The following ANK3 variants were observed in gnomAD, a reference collection of about 807,000 sequenced individuals.
ANK3 encodes ankyrin 3, also known as ankyrin-3.
In ANK3, 57 loss-of-function variants were observed where a neutral mutation model predicts 370.9. The ratio of observed to expected loss-of-function variants is 0.15; its 90% CI spans 0.12 to 0.19. The LOEUF (loss-of-function observed/expected upper bound fraction) is 0.19. Among genes scored for constraint, ANK3 ranks in the 10% least tolerant of loss-of-function variants. The pLI, the probability that ANK3 is intolerant of heterozygous loss-of-function variation, is 1.00. For synonymous variants in ANK3, 1,929 were observed against 1,946.3 expected, an observed-to-expected ratio of 0.99 and a Z score of 0.23; for missense variants, 4,439 against 5,302.1, an observed-to-expected ratio of 0.84 and a Z score of 5.06.
chr10:60,537,010 A>G (rs1296037766), intron 2 of ANK3, among the ~76,000 whole-genome samples: 1 of 151,986 alleles, frequency 6.6e-6, no homozygotes, highest in East Asian at 1.9e-4. Flanking sequence ...TAAATGTCTG[A>G]CCCACCAACA....
chr10:60,496,041 A>G (rs1448597862), intron 2 of ANK3, among the ~76,000 whole-genome samples: 4 of 151,004 alleles, frequency 2.6e-5, no homozygotes, highest in Non-Finnish European at 1.5e-5. Flanking sequence ...CTTCTAATTT[A>G]TATAGCTAGG....
chr10:60,652,393 C>A (rs1477037615), intron 1 of ANK3, among the ~76,000 whole-genome samples: 3 of 151,902 alleles, frequency 2.0e-5, no homozygotes, highest in Non-Finnish European at 2.9e-5. Flanking sequence ...CAGAAGGAGA[C>A]CCTGTCTCAA....
At chr10:60,065,911 G>T (rs1170016950) in intron 38 of ANK3, among the ~76,000 whole-genome samples, 1 of 152,026 alleles carries the variant, frequency 6.6e-6, no homozygotes, top group Non-Finnish European at 1.5e-5. Flanking sequence ...TTAAAACCAA[G>T]ATCAGAAAAT....
chr10:60,484,630 A>G (rs2075304640), intron 2 of ANK3, among the ~76,000 whole-genome samples: 1 of 152,120 alleles, frequency 6.6e-6, no homozygotes, highest in African/African-American at 2.4e-5. Context: ...CAAAACAGGA[A>G]TGTCTAACTA....
intron 1 of ANK3, among the ~76,000 whole-genome samples, chr10:60,713,544 T>C (rs1290553727): frequency 6.6e-6 from 1 of 152,002 alleles, no homozygotes; most frequent in African/African-American, 2.4e-5. Flanking sequence ...TCTAAGAAAC[T>C]ACAGAAGTAA....
At chr10:60,522,767 G>A (rs999664437) in intron 2 of ANK3, among the ~76,000 whole-genome samples, 25 of 152,060 alleles carry the variant, frequency 1.6e-4, no homozygotes, top group African/African-American at 5.8e-4. Flanking sequence ...AGACTAAAAT[G>A]ATGATTCTTC....
intron 23 of ANK3, among the ~76,000 whole-genome samples, chr10:60,151,270 G>C (rs1156670639): frequency 6.6e-6 from 1 of 152,176 alleles, no homozygotes; most frequent in Non-Finnish European, 1.5e-5. Flanking sequence ...GTGATCCCCA[G>C]TGTTGGAGGT....
At chr10:60,041,531 T>C (rs1241103999) in intron 43 of ANK3, among the ~76,000 whole-genome samples, 1 of 152,176 alleles carries the variant, frequency 6.6e-6, no homozygotes, top group East Asian at 1.9e-4. Flanking sequence ...CAAATGGGGA[T>C]GATGAAGGCC....
chr10:60,421,904 G>A (rs1346171639), intron 2 of ANK3, among the ~76,000 whole-genome samples: 2 of 152,086 alleles, frequency 1.3e-5, no homozygotes, highest in East Asian at 1.9e-4. Flanking sequence ...TGACCAAAAG[G>A]AAGAAGTTTA....
intron 1 of ANK3, among the ~76,000 whole-genome samples, chr10:60,653,749 C>T (rs2078823844): frequency 6.6e-6 from 1 of 152,082 alleles, no homozygotes; most frequent in Non-Finnish European, 1.5e-5. Flanking sequence ...ACACCTGTGG[C>T]CCCAGCTACT....
chr10:60,161,723 G>A (rs1206928757), intron 23 of ANK3, among the ~76,000 whole-genome samples: 2 of 152,098 alleles, frequency 1.3e-5, no homozygotes, highest in Non-Finnish European at 2.9e-5. Flanking sequence ...TAGAATGATG[G>A]TTTCAGGAGG....
chr10:60,711,495 A>C (rs2079706588), intron 1 of ANK3, among the ~76,000 whole-genome samples: 1 of 152,042 alleles, frequency 6.6e-6, no homozygotes, highest in Non-Finnish European at 1.5e-5. Flanking sequence ...ATGAGTTTCA[A>C]GATGTCAGTA....
At position 60,088,325 on chromosome 10, in the gene ANK3, C is replaced by T. The variant is rs750774209; in HGVS notation, c.3362G>A (p.Arg1121His). 21 of 1,614,066 alleles carry T rather than the reference C, an allele frequency of 1.3e-5. No individual in the cohort carries two copies. The highest frequency in any genetic ancestry group is 5.5e-5 in the South Asian group (5 of 91,086). The change falls in exon 29 of 44, where the codon CGT becomes CAT. Residue 1121 changes from arginine (R) to histidine (H), a missense_variant. By Grantham distance (29) the Arg-to-His change is conservative (BLOSUM62 0). Coordinates refer to ENST00000280772, the MANE Select transcript of ANK3 (RefSeq NM_020987.5). ...LDSPEELGKK[R>H]ICRIITKDFP... The stretch of plus-strand genomic sequence containing the variant: ...ATCTTTCGTGATAATCCTGCAGATA[C>T]GCTTTTTCCCTAACTCTTCTGGGCT...
At chr10:60,475,643 C>A (rs559252233) in intron 2 of ANK3, among the ~76,000 whole-genome samples, 63 of 152,212 alleles carry the variant, frequency 4.1e-4, no homozygotes, top group Non-Finnish European at 7.5e-4. Context: ...GGAAACAAAA[C>A]CCAGTTATAA....
chr10:60,559,146 T>C (rs2077276948), intron 2 of ANK3, among the ~76,000 whole-genome samples: 1 of 152,212 alleles, frequency 6.6e-6, no homozygotes, highest in Non-Finnish European at 1.5e-5. Flanking sequence ...CAATAGGTTT[T>C]TGGGGAACGG....
At chr10:60,565,944 T>A (rs1471661467) in intron 2 of ANK3, among the ~76,000 whole-genome samples, 1 of 152,260 alleles carries the variant, frequency 6.6e-6, no homozygotes, top group Non-Finnish European at 1.5e-5. Flanking sequence ...TTGCATTTTT[T>A]ACAACTTAAA....
intron 2 of ANK3, among the ~76,000 whole-genome samples, chr10:60,512,980 A>G (rs1462373880): frequency 6.6e-6 from 1 of 152,144 alleles, no homozygotes; most frequent in African/African-American, 2.4e-5. Context: ...TGCACTTAGG[A>G]ACTGCTGAAT....
At chr10:60,117,762 C>T (rs77265329) in intron 25 of ANK3, among the ~76,000 whole-genome samples, 1 of 151,908 alleles carries the variant, frequency 6.6e-6, no homozygotes, top group African/African-American at 2.4e-5. Context: ...TGCAGTGAGC[C>T]GAGATTGCGC....
intron 2 of ANK3, among the ~76,000 whole-genome samples, chr10:60,395,987 C>A (rs1264161569): frequency 6.6e-6 from 1 of 152,120 alleles, no homozygotes; most frequent in African/African-American, 2.4e-5. Context: ...CAAGTGACCC[C>A]TTGATATTCT....
Sources: allele counts gnomAD v4.1 joint callset (sites outside exome capture counted in the v4.1 genomes callset), GRCh38; gene constraint gnomAD v4.1.1; transcripts MANE v1.5; gene names NCBI Gene and HGNC (gene_info 2026-07-23, HGNC 2026-07-21).